Variants in PCNX1 observed in about 807,000 individuals in gnomAD.
The protein encoded by PCNX1 is pecanex 1, also known as pecanex-like protein 1.
PCNX1 carries 78 observed loss-of-function variants against 242.2 expected under a neutral mutation model. The ratio of observed to expected loss-of-function variants is 0.32; its 90% CI spans 0.27 to 0.39. The LOEUF (loss-of-function observed/expected upper bound fraction) is 0.39, where lower values mean the gene tolerates loss of function less well. Among genes scored for constraint, PCNX1 ranks in the 10% least tolerant of loss-of-function variants. The pLI is 1.00. For missense variants in PCNX1, 2,581 were observed against 2,856.5 expected, an observed-to-expected ratio of 0.90 and a Z score of 2.20; for synonymous variants, 1,024 against 1,032.9, an observed-to-expected ratio of 0.99 and a Z score of 0.17.
chr14:71,018,860 G>A (rs886263755), intron 11 of PCNX1, 149 bp from the exon 12 acceptor site: 8 of 544,732 alleles, frequency 1.5e-5, no homozygotes, highest in Admixed American at 1.4e-4. Flanking sequence ...TTTGTTTTCA[G>A]TATGATCTAA....
chr14:70,921,622 T>C (rs1168693423), intron 1 of PCNX1, among the ~76,000 whole-genome samples: 3 of 152,196 alleles, frequency 2.0e-5, no homozygotes, highest in Non-Finnish European at 4.4e-5. Context: ...GGATGTGTTA[T>C]TGAAAAATAT....
chr14:70,940,505 C>T (rs543398428), intron 1 of PCNX1, among the ~76,000 whole-genome samples: 73 of 152,216 alleles, frequency 4.8e-4, no homozygotes, highest in Non-Finnish European at 8.7e-4. Context: ...AGCTGTTAGT[C>T]TGATGGGCTT....
intron 30 of PCNX1, among the ~76,000 whole-genome samples, chr14:71,091,548 A>G (rs1389904412): frequency 1.3e-5 from 2 of 152,258 alleles, no homozygotes; most frequent in Non-Finnish European, 2.9e-5. Flanking sequence ...AAGATGAACT[A>G]GAAAGCCTAG....
In PCNX1 at chr14:71,050,594, T is replaced by G. The variant is rs187219083; in HGVS notation, c.4339-58T>G. On this transcript the variant is annotated intron_variant, in intron 22 of 35. Coordinates refer to ENST00000304743, the MANE Select transcript of PCNX1 (RefSeq NM_014982.3). ...ATTTTACAGGGTTTTTATTTTCTAA[T>G]TCAAATATCTGATAAGTTTTTTTTT... The G allele has an allele frequency of 1.4e-4, 205 of 1,489,204 alleles. 1 individual carries two copies. The East Asian group carries it at 3.0e-3, about 22-fold the overall frequency. The allele number at this position is 1,489,204 out of a possible 1,614,324, so 92.2% of individuals were successfully genotyped here.
chr14:70,960,468 A>C (rs1007875839), intron 2 of PCNX1, among the ~76,000 whole-genome samples: 11 of 152,150 alleles, frequency 7.2e-5, no homozygotes, highest in East Asian at 5.8e-4. Flanking sequence ...ATTCAACAAC[A>C]CTTCATGCTA....
At chr14:71,040,640 T>C (rs1051563007) in intron 19 of PCNX1, among the ~76,000 whole-genome samples, 7 of 152,134 alleles carry the variant, frequency 4.6e-5, no homozygotes, top group Non-Finnish European at 5.9e-5. Context: ...AATTACATGG[T>C]AAATGGGGTA....
At chr14:70,948,639 G>GTC (rs2057562991) in intron 2 of PCNX1, among the ~76,000 whole-genome samples, 1 of 149,558 alleles carries the variant, frequency 6.7e-6, no homozygotes, top group African/African-American at 2.5e-5. Context: ...ATATAGTTGT[G>GTC]TATATATAGA....
intron 1 of PCNX1, among the ~76,000 whole-genome samples, chr14:70,934,888 T>C (rs1457156034): frequency 6.6e-6 from 1 of 152,180 alleles, no homozygotes; most frequent in Non-Finnish European, 1.5e-5. Context: ...TTATGATCTA[T>C]TATGATCTGC....
At chr14:71,003,117 C>T (rs868246617) in intron 8 of PCNX1, among the ~76,000 whole-genome samples, 2 of 115,070 alleles carry the variant, frequency 1.7e-5, no homozygotes, top group East Asian at 2.6e-4. Context: ...GAGTCTCACT[C>T]TTGTTGTCCA....
chr14:71,041,146 A>T (rs1309885485), intron 19 of PCNX1, among the ~76,000 whole-genome samples: 1 of 152,180 alleles, frequency 6.6e-6, no homozygotes, highest in African/African-American at 2.4e-5. Flanking sequence ...ATGAGTACAG[A>T]TATCCCTTCA....
intron 32 of PCNX1, among the ~76,000 whole-genome samples, chr14:71,104,645 C>T (rs2062559353): frequency 6.6e-6 from 1 of 152,040 alleles, no homozygotes. Context: ...ATTCTGTTTC[C>T]AGGCCCGGCG....
chr14:71,076,683 G>A (rs574555893), intron 28 of PCNX1, among the ~76,000 whole-genome samples: 8 of 152,196 alleles, frequency 5.3e-5, no homozygotes, highest in African/African-American at 7.2e-5. Context: ...GGCATGTACA[G>A]GCATGCACAT....
chr14:71,105,087 T>G, intron 32 of PCNX1, 148 bp from the exon 33 acceptor site: 1 of 635,946 alleles, frequency 1.6e-6, no homozygotes, highest in East Asian at 2.8e-5. Context: ...GTAATGAGTT[T>G]TTTTGTTCCT....
intron 26 of PCNX1, among the ~76,000 whole-genome samples, chr14:71,064,782 G>A (rs762899321): frequency 2.6e-5 from 4 of 151,998 alleles, no homozygotes; most frequent in South Asian, 2.1e-4. Flanking sequence ...CCCATCCCCC[G>A]ACAGGCCTGG....
chr14:70,925,318 A>C (rs1026272923), intron 1 of PCNX1, among the ~76,000 whole-genome samples: 15 of 152,198 alleles, frequency 9.9e-5, no homozygotes, highest in African/African-American at 3.6e-4. Flanking sequence ...ATTGTTTTGC[A>C]TGGTACCTTT....
chr14:70,953,930 A>C (rs1027130270), intron 2 of PCNX1, among the ~76,000 whole-genome samples: 8 of 151,926 alleles, frequency 5.3e-5, no homozygotes, highest in Admixed American at 1.3e-4. Context: ...AGCCTCCCAA[A>C]GTGCTGGGAT....
intron 2 of PCNX1, among the ~76,000 whole-genome samples, chr14:70,948,443 T>C (rs1343728644): frequency 6.6e-6 from 1 of 152,058 alleles, no homozygotes; most frequent in Admixed American, 6.6e-5. Context: ...CCCTGATAAA[T>C]ACACTACTGT....
chr14:71,005,996 C>T (rs879730650), intron 8 of PCNX1, among the ~76,000 whole-genome samples: 11 of 147,740 alleles, frequency 7.4e-5, no homozygotes, highest in Non-Finnish European at 1.3e-4. Flanking sequence ...GAACACAGTT[C>T]GCTGCAGCCG....
chr14:70,984,689 A>G (rs976990550), intron 6 of PCNX1, among the ~76,000 whole-genome samples: 4 of 152,122 alleles, frequency 2.6e-5, no homozygotes, highest in Non-Finnish European at 5.9e-5. Context: ...ACCTGCCGAC[A>G]TCATTTTTAA....
Sources: allele counts gnomAD v4.1 joint callset (sites outside exome capture counted in the v4.1 genomes callset), GRCh38; gene constraint gnomAD v4.1.1; transcripts MANE v1.5; gene names NCBI Gene and HGNC (gene_info 2026-07-23, HGNC 2026-07-21).